KCTD16: variants seen among roughly 807,000 people sequenced by gnomAD.
KCTD16 encodes the protein potassium channel tetramerization domain containing 16.
In KCTD16, 13 loss-of-function variants were observed where a neutral mutation model predicts 33.2. The observed-to-expected ratio is 0.39, with a 90% CI of 0.25 to 0.62. The LOEUF (loss-of-function observed/expected upper bound fraction) is 0.62. KCTD16 is among the 20% of genes least tolerant of loss of function. KCTD16 has a pLI of 0.50. For synonymous variants in KCTD16, 197 were observed against 195.3 expected, an observed-to-expected ratio of 1.01 and a Z score of -0.07; for missense variants, 441 against 525.1, an observed-to-expected ratio of 0.84 and a Z score of 1.57.
In KCTD16 at chr5:144,410,809, G is replaced by A. The variant is rs191849857; in HGVS notation, c.833-62851G>A. ...ATAAACGCACAAAATAAGTTATCTT[G>A]TGCTAATTTGTAAATATTCTGCTAA... is the stretch of plus-strand genomic sequence containing the variant. On this transcript the variant is annotated intron_variant, in intron 3 of 3. Transcript: ENST00000512467. 5.9e-5 allele frequency among the ~76,000 whole-genome samples: 9 copies of A among 152,244 alleles called. No individual in the cohort carries two copies. The South Asian group carries it at 6.2e-4, about 11-fold the overall frequency.
In KCTD16 at chr5:144,308,345, G is replaced by A. The variant is rs142844961; in HGVS notation, c.832+100799G>A. ...GCTACCGCCAACCAGTCAGGTAAGCGCTCATTCTGAGGTAATTTGCTGTCC... is the reference window on the plus strand; with the variant it reads ...GCTACCGCCAACCAGTCAGGTAAGCACTCATTCTGAGGTAATTTGCTGTCC... On this transcript the variant is annotated intron_variant, in intron 3 of 3. Coordinates refer to ENST00000512467, the MANE Select transcript of KCTD16 (RefSeq NM_020768.4). Among the ~76,000 whole-genome samples, 500 of 152,314 alleles carry A rather than the reference G, an allele frequency of 3.3e-3. 1 individual carries two copies. The highest frequency in any genetic ancestry group is 5.2e-3 in the Non-Finnish European group (355 of 68,022).
intron 3 of KCTD16, among the ~76,000 whole-genome samples, chr5:144,346,328 A>G (rs1048159329): frequency 6.6e-6 from 1 of 152,146 alleles, no homozygotes; most frequent in African/African-American, 2.4e-5. Flanking sequence ...AGGAGTGCAG[A>G]TATCTCTTTG....
intron 3 of KCTD16, among the ~76,000 whole-genome samples, chr5:144,367,494 G>A (rs910094028): frequency 3.9e-5 from 6 of 152,034 alleles, no homozygotes; most frequent in African/African-American, 7.2e-5. Context: ...TTACAACCAA[G>A]AGAACCATGA....
At chr5:144,312,267 C>T (rs865914678) in intron 3 of KCTD16, among the ~76,000 whole-genome samples, 1 of 152,194 alleles carries the variant, frequency 6.6e-6, no homozygotes, top group Non-Finnish European at 1.5e-5. Context: ...GGCACACAGA[C>T]CGTGCAGGAC....
At chr5:144,406,112 G>A (rs1752804063) in intron 3 of KCTD16, among the ~76,000 whole-genome samples, 1 of 152,130 alleles carries the variant, frequency 6.6e-6, no homozygotes, top group Non-Finnish European at 1.5e-5. Context: ...CCTAGCCCCT[G>A]CGCCTGACTA....
chr5:144,335,798 G>A (rs906128502), intron 3 of KCTD16, among the ~76,000 whole-genome samples: 10 of 152,188 alleles, frequency 6.6e-5, no homozygotes, highest in Non-Finnish European at 1.2e-4. Flanking sequence ...GCGAGATAGA[G>A]TTGGAGGGTG....
intron 3 of KCTD16, among the ~76,000 whole-genome samples, chr5:144,300,885 G>A (rs1015459769): frequency 1.3e-5 from 2 of 152,126 alleles, no homozygotes; most frequent in Non-Finnish European, 2.9e-5. Context: ...GAAATGGCAG[G>A]GAGTTTGATT....
chr5:144,408,526 A>T (rs1207942657), intron 3 of KCTD16, among the ~76,000 whole-genome samples: 1 of 152,192 alleles, frequency 6.6e-6, no homozygotes, highest in Non-Finnish European at 1.5e-5. Flanking sequence ...TCTTTGGCTC[A>T]TTTGTTACAT....
chr5:144,404,558 A>C (rs1478575591), intron 3 of KCTD16, among the ~76,000 whole-genome samples: 1 of 152,212 alleles, frequency 6.6e-6, no homozygotes, highest in Non-Finnish European at 1.5e-5. Flanking sequence ...ACTATGATAC[A>C]TCTGAGTTGG....
intron 3 of KCTD16, among the ~76,000 whole-genome samples, chr5:144,440,863 G>A (rs540669610): frequency 2.0e-5 from 3 of 151,996 alleles, no homozygotes; most frequent in East Asian, 3.9e-4. Flanking sequence ...TTAGCATTAG[G>A]TATATCTCCT....
intron 3 of KCTD16, among the ~76,000 whole-genome samples, chr5:144,279,289 T>C (rs1403634146): frequency 6.6e-6 from 1 of 152,232 alleles, no homozygotes; most frequent in Non-Finnish European, 1.5e-5. Flanking sequence ...TGTGCATTTT[T>C]TTTTATTTTT....
chr5:144,183,897 A>G (rs1352302007), intron 2 of KCTD16, among the ~76,000 whole-genome samples: 1 of 152,190 alleles, frequency 6.6e-6, no homozygotes, highest in Non-Finnish European at 1.5e-5. Context: ...AATCTTGTAC[A>G]TAGTGCTTGA....
intron 3 of KCTD16, among the ~76,000 whole-genome samples, chr5:144,281,227 C>T (rs1486920575): frequency 2.6e-5 from 4 of 152,150 alleles, no homozygotes; most frequent in African/African-American, 9.7e-5. Context: ...TTACTTCCTA[C>T]TAATTAGTTT....
intron 3 of KCTD16, among the ~76,000 whole-genome samples, chr5:144,352,486 C>G (rs753111418): frequency 3.9e-5 from 6 of 152,204 alleles, no homozygotes; most frequent in Non-Finnish European, 8.8e-5. Context: ...GGTTCTCTCC[C>G]CTGAAACTGG....
At chr5:144,294,104 A>T (rs541583970) in intron 3 of KCTD16, among the ~76,000 whole-genome samples, 7 of 152,332 alleles carry the variant, frequency 4.6e-5, no homozygotes, top group African/African-American at 1.7e-4. Flanking sequence ...GGTTGCAGTG[A>T]GCCGAGGTTG....
intron 3 of KCTD16, among the ~76,000 whole-genome samples, chr5:144,214,847 T>C (rs1753510710): frequency 6.6e-6 from 1 of 152,202 alleles, no homozygotes; most frequent in Non-Finnish European, 1.5e-5. Context: ...AACTGTAAGC[T>C]TTGTGAAGCC....
At position 144,241,058 on chromosome 5, in the gene KCTD16, A is replaced by G. The variant is rs78817940; in HGVS notation, c.832+33512A>G. ...ATATCTTTCATGCTTGGAAGCTACT[A>G]CAATGTAGAACAGGGCAGAATTCTT... On this transcript the variant is annotated intron_variant, in intron 3 of 3. Transcript: ENST00000512467. Among the ~76,000 whole-genome samples the G allele has an allele frequency of 9.7e-3, 1,476 of 152,174 alleles. 22 individuals are homozygous for G. The highest frequency in any genetic ancestry group is 0.033 in the African/African-American group (1,388 of 41,518).
intron 3 of KCTD16, among the ~76,000 whole-genome samples, chr5:144,387,860 G>A (rs1448439981): frequency 6.6e-6 from 1 of 151,948 alleles, no homozygotes; most frequent in Non-Finnish European, 1.5e-5. Context: ...GTTTTTTAGA[G>A]CCCCTTCCCC....
intron 3 of KCTD16, among the ~76,000 whole-genome samples, chr5:144,462,010 A>C (rs758042097): frequency 6.6e-6 from 1 of 152,156 alleles, no homozygotes; most frequent in African/African-American, 2.4e-5. Context: ...GTTTTCTTAT[A>C]ATACTATTCT....
Sources: allele counts gnomAD v4.1 joint callset (sites outside exome capture counted in the v4.1 genomes callset), GRCh38; gene constraint gnomAD v4.1.1; transcripts MANE v1.5; gene names NCBI Gene and HGNC (gene_info 2026-07-23, HGNC 2026-07-21).